The following FBXO25 variants were observed in gnomAD, a reference collection of about 807,000 sequenced individuals.
FBXO25 encodes the protein F-box protein 25.
A neutral mutation model predicts 51.9 loss-of-function variants in FBXO25; 45 were observed. The observed-to-expected ratio is 0.87, with a 90% CI of 0.68 to 1.11. FBXO25 has a LOEUF of 1.11. Ranked by LOEUF, FBXO25 falls within the 50% of genes most tolerant of loss-of-function variation. The pLI, the probability that FBXO25 is intolerant of heterozygous loss-of-function variation, is 0.00. For missense variants in FBXO25, 507 were observed against 428.5 expected, an observed-to-expected ratio of 1.18 and a Z score of -1.62; for synonymous variants, 199 against 151.0, an observed-to-expected ratio of 1.32 and a Z score of -2.33.
chr8:467,763 CCA>C, intron 9 of FBXO25: 1 of 1,613,646 alleles, frequency 6.2e-7, no homozygotes. Context: ...CCCTGTCTTG[CCA>C]CACATCCTGT....
intron 7 of FBXO25, among the ~76,000 whole-genome samples, chr8:457,286 A>G (rs1799504052): frequency 6.6e-6 from 1 of 152,182 alleles, no homozygotes. Flanking sequence ...TTTAGATACA[A>G]CTGAGCCCTG....
intron 1 of FBXO25, among the ~76,000 whole-genome samples, chr8:409,031 C>A (rs187684948): frequency 3.3e-5 from 5 of 152,236 alleles, no homozygotes; most frequent in African/African-American, 9.6e-5. Context: ...CAAATACATT[C>A]CCATTGAAAG....
chr8:467,954 A>C (rs1401845709), intron 9 of FBXO25: 5 of 1,410,344 alleles, frequency 3.5e-6, no homozygotes, highest in Non-Finnish European at 4.6e-6. Flanking sequence ...TTTGCAGAAC[A>C]ACACCTGAGT....
chr8:429,491 T>C (rs1387770009), intron 2 of FBXO25, among the ~76,000 whole-genome samples: 2 of 152,182 alleles, frequency 1.3e-5, no homozygotes, highest in Non-Finnish European at 2.9e-5. Context: ...TGACGTGTAG[T>C]TGATTGCTAT....
chr8:444,094 A>G (rs1408682351), intron 5 of FBXO25, among the ~76,000 whole-genome samples: 2 of 152,240 alleles, frequency 1.3e-5, no homozygotes, highest in African/African-American at 4.8e-5. Context: ...GGGGCATTAC[A>G]GCATTGAAAG....
At chr8:427,944 T>A (rs1165379102) in intron 2 of FBXO25, among the ~76,000 whole-genome samples, 3 of 151,848 alleles carry the variant, frequency 2.0e-5, no homozygotes, top group Admixed American at 2.0e-4. Context: ...AACCCTAGAG[T>A]GGTCTGGGAG....
intron 4 of FBXO25, among the ~76,000 whole-genome samples, chr8:435,206 G>T (rs1371972660): frequency 6.6e-6 from 1 of 152,070 alleles, no homozygotes; most frequent in Non-Finnish European, 1.5e-5. Context: ...CTAGATATTT[G>T]TAACACCTAC....
intron 5 of FBXO25, among the ~76,000 whole-genome samples, chr8:436,218 A>G (rs1798094334): frequency 6.6e-6 from 1 of 152,166 alleles, no homozygotes; most frequent in Non-Finnish European, 1.5e-5. Flanking sequence ...CTTGGGCCAC[A>G]CTCAAAAAGA....
At chr8:425,295 T>C (rs1797405354) in intron 2 of FBXO25, among the ~76,000 whole-genome samples, 1 of 151,874 alleles carries the variant, frequency 6.6e-6, no homozygotes, top group African/African-American at 2.4e-5. Context: ...TAAAATTTGA[T>C]ATGTTTTTAA....
intron 2 of FBXO25, among the ~76,000 whole-genome samples, chr8:426,574 C>G (rs1336045975): frequency 3.3e-5 from 5 of 152,088 alleles, no homozygotes; most frequent in Non-Finnish European, 7.4e-5. Flanking sequence ...GTGGCACACG[C>G]AGGAAGTCAC....
At chr8:421,764 G>A (rs531253420) in intron 2 of FBXO25, among the ~76,000 whole-genome samples, 2 of 152,318 alleles carry the variant, frequency 1.3e-5, no homozygotes, top group African/African-American at 4.8e-5. Flanking sequence ...CAGGGAAGGG[G>A]TTGGTTCCAG....
At chr8:467,534 C>G (rs945453583) in intron 9 of FBXO25, among the ~76,000 whole-genome samples, 1 of 152,206 alleles carries the variant, frequency 6.6e-6, no homozygotes, top group African/African-American at 2.4e-5. Flanking sequence ...CTGATGAGAA[C>G]TTGTTTGCTT....
At position 475,989 on chromosome 8, in the gene FBXO25, A is replaced by T. The variant is rs201648961; in HGVS notation, c.*7185A>T. 10 of 152,244 alleles carry T rather than the reference A, an allele frequency of 6.6e-5. No individual in the cohort carries two copies. The East Asian group carries it at 1.9e-3, about 29-fold the overall frequency. 9.4% of individuals were successfully genotyped at this position (152,244 alleles called of 1,614,324 possible). A position where few individuals can be genotyped will look rare whatever the true frequency, so the allele number is the denominator to read the frequency against. ...TTGATCTTAAAGTCCTTTCAGTCTTATTGAATATGATGTTTACAGTGGGAT... is the reference window on the plus strand; with the variant it reads ...TTGATCTTAAAGTCCTTTCAGTCTTTTTGAATATGATGTTTACAGTGGGAT... On this transcript the variant is annotated 3_prime_UTR_variant, in exon 10 of 10. Coordinates refer to ENST00000350302, the MANE Select transcript of FBXO25 (RefSeq NM_183420.2).
At chr8:460,442 C>CTTA (rs1799735959) in intron 8 of FBXO25, among the ~76,000 whole-genome samples, 1 of 151,834 alleles carries the variant, frequency 6.6e-6, no homozygotes. Context: ...CAGTAACTAA[C>CTTA]ATTAAGGCCC....
At chr8:455,159 CT>C (rs1387831079) in intron 7 of FBXO25, among the ~76,000 whole-genome samples, 1 of 152,154 alleles carries the variant, frequency 6.6e-6, no homozygotes, top group African/African-American at 2.4e-5. Flanking sequence ...AATGTGTGGA[CT>C]GCTTGGAGGA....
chr8:409,713 T>A (rs1220790300), intron 1 of FBXO25, among the ~76,000 whole-genome samples: 5 of 152,140 alleles, frequency 3.3e-5, no homozygotes, highest in Non-Finnish European at 7.4e-5. Context: ...CAGATAAGGT[T>A]CTGTTGGCAA....
chr8:444,350 A>C (rs1232900335), intron 5 of FBXO25, among the ~76,000 whole-genome samples: 1 of 152,194 alleles, frequency 6.6e-6, no homozygotes, highest in South Asian at 2.1e-4. Context: ...GCACACATGC[A>C]GTGCCAATTT....
chr8:427,380 T>C (rs1214743769), intron 2 of FBXO25, among the ~76,000 whole-genome samples: 3 of 150,758 alleles, frequency 2.0e-5, no homozygotes, highest in Non-Finnish European at 2.9e-5. Flanking sequence ...CTGCATGTTA[T>C]ATGACCTTGG....
At chr8:458,648 G>C in intron 8 of FBXO25, 97 bp downstream of exon 8, 1 of 1,171,480 alleles carries the variant, frequency 8.5e-7, no homozygotes, top group Non-Finnish European at 1.2e-6. Flanking sequence ...AAGAATGGCT[G>C]AGTATTTTCT....
Sources: allele counts gnomAD v4.1 joint callset (sites outside exome capture counted in the v4.1 genomes callset), GRCh38; gene constraint gnomAD v4.1.1; transcripts MANE v1.5; gene names NCBI Gene and HGNC (gene_info 2026-07-23, HGNC 2026-07-21).